Variants in ZFAND3 observed in about 807,000 individuals in gnomAD.
The protein encoded by ZFAND3 is zinc finger AN1-type containing 3.
A neutral mutation model predicts 29.6 loss-of-function variants in ZFAND3; 10 were observed. That is an observed-to-expected ratio of 0.34 (90% confidence interval 0.21 to 0.57). The LOEUF is 0.57. ZFAND3 is among the 20% of genes least tolerant of loss of function. The probability of loss-of-function intolerance (pLI) is 0.86; values close to 1 mark genes in which losing one functional copy is unlikely to be tolerated. For missense variants in ZFAND3, 230 were observed against 304.5 expected (o/e 0.76, Z 1.82); for synonymous variants, 128 against 112.6 (o/e 1.14, Z -0.87).
intron 2 of ZFAND3, among the ~76,000 whole-genome samples, chr6:38,060,188 A>G (rs1201176159): frequency 6.6e-6 from 1 of 152,152 alleles, no homozygotes; most frequent in Admixed American, 6.5e-5. Flanking sequence ...ACCTGAGTAT[A>G]TGCGGGAGTT....
chr6:38,103,426 CATAT>C (rs55681522), intron 4 of ZFAND3, among the ~76,000 whole-genome samples: 1 of 133,192 alleles, frequency 7.5e-6, no homozygotes, highest in Admixed American at 7.3e-5. Context: ...TATACACACA[CATAT>C]ATATACACGT....
Position 37,862,875 on chromosome 6 carries a change from A to T in ZFAND3, c.71+42859A>T, listed in dbSNP as rs113496500. On this transcript the variant is annotated intron_variant, in intron 1 of 5. Coordinates refer to ENST00000287218, the MANE Select transcript of ZFAND3 (RefSeq NM_021943.3). ...AAAAAATGGGTATTTTCCAGGGAAA[A>T]TATTTGGGCCAACTTCCAACTGATT... 4.9e-4 allele frequency among the ~76,000 whole-genome samples: 74 copies of T among 152,074 alleles called. 1 individual carries two copies. Among genetic ancestry groups the T allele is most frequent in the African/African-American group, 9.6e-4 (40 of 41,500 alleles).
intron 3 of ZFAND3, among the ~76,000 whole-genome samples, chr6:38,070,071 C>T (rs1764421870): frequency 6.6e-6 from 1 of 152,092 alleles, no homozygotes; most frequent in African/African-American, 2.4e-5. Context: ...CAGAAATAAC[C>T]GCTGTTTATT....
intron 1 of ZFAND3, among the ~76,000 whole-genome samples, chr6:37,841,872 C>G (rs1308786210): frequency 1.3e-5 from 2 of 152,150 alleles, no homozygotes; most frequent in Non-Finnish European, 2.9e-5. Context: ...ATGCACATAC[C>G]TGTATGTCTT....
At chr6:38,013,997 A>T (rs1000724202) in intron 2 of ZFAND3, among the ~76,000 whole-genome samples, 1 of 152,336 alleles carries the variant, frequency 6.6e-6, no homozygotes, top group South Asian at 2.1e-4. Context: ...AGACCTACAG[A>T]TAACTAACAG....
chr6:37,937,361 A>G lies in ZFAND3; in HGVS notation c.112+7362A>G, dbSNP rs535871225. Among the ~76,000 whole-genome samples, 32 of 152,326 alleles carry G rather than the reference A, an allele frequency of 2.1e-4. No homozygotes were observed. In the South Asian group the frequency reaches 2.9e-3, roughly 14 times the overall value. On this transcript the variant is annotated intron_variant, in intron 2 of 5. Coordinates refer to ENST00000287218, the MANE Select transcript of ZFAND3 (RefSeq NM_021943.3). ...TTTTTTGAATTCACCTTTTCCCAAA[A>G]GAAAGCAACTGTTGGCCAGGCACAG...
At chr6:37,860,332 A>G (rs932021949) in intron 1 of ZFAND3, among the ~76,000 whole-genome samples, 2 of 152,056 alleles carry the variant, frequency 1.3e-5, no homozygotes, top group Non-Finnish European at 2.9e-5. Context: ...TTTGTGGCTT[A>G]TATTCAGAAG....
intron 5 of ZFAND3, among the ~76,000 whole-genome samples, chr6:38,118,314 C>T (rs188473745): frequency 6.6e-6 from 1 of 152,338 alleles, no homozygotes; most frequent in African/African-American, 2.4e-5. Flanking sequence ...CTTCGCTCCA[C>T]TCTGCAGAGG....
intron 2 of ZFAND3, among the ~76,000 whole-genome samples, chr6:37,996,314 T>C (rs1762849028): frequency 6.6e-6 from 1 of 152,188 alleles, no homozygotes; most frequent in Non-Finnish European, 1.5e-5. Context: ...GATCAACACA[T>C]ATATGAATGG....
intron 2 of ZFAND3, among the ~76,000 whole-genome samples, chr6:37,984,143 C>G (rs1386337620): frequency 6.6e-6 from 1 of 152,112 alleles, no homozygotes; most frequent in African/African-American, 2.4e-5. Flanking sequence ...AAAATAAGAT[C>G]GCTAAACTTC....
chr6:37,838,855 A>T (rs1764017693), intron 1 of ZFAND3, among the ~76,000 whole-genome samples: 1 of 152,220 alleles, frequency 6.6e-6, no homozygotes, highest in Non-Finnish European at 1.5e-5. Context: ...TTTCGGGATG[A>T]TATGGTAACT....
Position 38,152,885 on chromosome 6 carries a change from G to A in ZFAND3, c.*496G>A, listed in dbSNP as rs1482270858. ...TGATGGCCACGTGTGCCTTGGCCAC[G>A]GGAGGCTGCTGAGATTGGCCACGTG... is the stretch of plus-strand genomic sequence containing the variant. On this transcript the variant is annotated 3_prime_UTR_variant, in exon 6 of 6. Coordinates refer to ENST00000287218, the MANE Select transcript of ZFAND3 (RefSeq NM_021943.3). 5 of 985,822 alleles carry A rather than the reference G, an allele frequency of 5.1e-6. No individual in the cohort carries two copies. Among genetic ancestry groups the A allele is most frequent in the Non-Finnish European group, 6.0e-6 (5 of 830,004 alleles). The allele number at this position is 985,822 out of a possible 1,614,324, so 61.1% of individuals were successfully genotyped here.
chr6:38,016,908 C>T (rs892380578), intron 2 of ZFAND3, among the ~76,000 whole-genome samples: 13 of 152,032 alleles, frequency 8.6e-5, no homozygotes, highest in African/African-American at 2.7e-4. Context: ...TAATCCATAG[C>T]GAGGAAAACT....
chr6:38,010,572 C>CTT (rs1763131461), intron 2 of ZFAND3, among the ~76,000 whole-genome samples: 1 of 150,016 alleles, frequency 6.7e-6, no homozygotes, highest in Admixed American at 6.6e-5. Context: ...TTTTCTGTCA[C>CTT]TATCATTTTG....
At position 38,087,196 on chromosome 6, in the gene ZFAND3, G is replaced by A. The variant is rs182982313; in HGVS notation, c.361+4739G>A. On this transcript the variant is annotated intron_variant, in intron 4 of 5. Coordinates refer to ENST00000287218, the MANE Select transcript of ZFAND3 (RefSeq NM_021943.3). ...CACATACAAAAATAAAATCAAAGTG[G>A]ATTAAAGACTTAAATCTGAAACCTC... 3.0e-4 allele frequency among the ~76,000 whole-genome samples: 46 copies of A among 152,282 alleles called. 1 individual carries two copies. The highest frequency in any genetic ancestry group is 1.0e-3 in the African/African-American group (43 of 41,568).
intron 2 of ZFAND3, among the ~76,000 whole-genome samples, chr6:38,031,455 A>G (rs72852516): frequency 0.065 from 9,919 of 152,246 alleles, 396 homozygotes; most frequent in Non-Finnish European, 0.093. Flanking sequence ...TCGGGAAACA[A>G]CAAACTCCCT....
At chr6:37,869,359 A>G (rs975702428) in intron 1 of ZFAND3, among the ~76,000 whole-genome samples, 2 of 151,882 alleles carry the variant, frequency 1.3e-5, no homozygotes, top group African/African-American at 2.4e-5. Flanking sequence ...GGGTTTCACC[A>G]TGTTGGCCAG....
intron 1 of ZFAND3, among the ~76,000 whole-genome samples, chr6:37,876,618 A>T (rs1278184361): frequency 6.6e-6 from 1 of 152,184 alleles, no homozygotes; most frequent in Non-Finnish European, 1.5e-5. Flanking sequence ...AGTTAATTTT[A>T]TCTCTGGTCA....
intron 2 of ZFAND3, chr6:38,003,895 T>G: frequency 2.7e-6 from 1 of 374,466 alleles, no homozygotes; most frequent in Non-Finnish European, 5.3e-6. Context: ...GTGAGTTTGC[T>G]CTAACCTGCT....
Sources: allele counts gnomAD v4.1 joint callset (sites outside exome capture counted in the v4.1 genomes callset), GRCh38; gene constraint gnomAD v4.1.1; transcripts MANE v1.5; gene names NCBI Gene and HGNC (gene_info 2026-07-23, HGNC 2026-07-21).